The following UNC13C variants were observed in gnomAD, a reference collection of about 807,000 sequenced individuals.
The protein encoded by UNC13C is protein unc-13 homolog C.
A neutral mutation model predicts 245.4 loss-of-function variants in UNC13C; 174 were observed. The observed-to-expected ratio is 0.71, with a 90% CI of 0.63 to 0.80. UNC13C has a LOEUF of 0.80. UNC13C is among the 30% of genes least tolerant of loss of function. UNC13C has a pLI of 0.00. For synonymous variants in UNC13C, 992 were observed against 895.1 expected, an observed-to-expected ratio of 1.11 and a Z score of -1.93; for missense variants, 2,829 against 2,602.9, an observed-to-expected ratio of 1.09 and a Z score of -1.89.
the UNC13C span, among the ~76,000 whole-genome samples, chr15:53,949,515 G>T: frequency 6.6e-6 from 1 of 152,158 alleles, no homozygotes; most frequent in Non-Finnish European, 1.5e-5. Context: ...TGAGCACTTA[G>T]TCATTTTTGC....
chr15:54,237,555 G>T (rs1412588902), intron 6 of UNC13C, 64 bp from the exon 7 acceptor site: 1 of 1,228,342 alleles, frequency 8.1e-7, no homozygotes, highest in Admixed American at 1.9e-5. Context: ...TTCACCTTCT[G>T]CTGAGCAGTA....
chr15:53,925,918 G>C, the UNC13C span, among the ~76,000 whole-genome samples: 41 of 152,252 alleles, frequency 2.7e-4, no homozygotes, highest in African/African-American at 7.2e-4. Context: ...TGCAGACAAG[G>C]CTTCCTTATC....
intron 17 of UNC13C, among the ~76,000 whole-genome samples, chr15:54,390,731 A>G (rs924133836): frequency 6.6e-6 from 1 of 152,022 alleles, no homozygotes; most frequent in East Asian, 1.9e-4. Flanking sequence ...AATTTTTCCA[A>G]TCATAAGGTT....
In UNC13C at chr15:54,274,629, A is replaced by G. The variant is rs532876916; in HGVS notation, c.3818+9133A>G. ...TCTAAAGCAACCACTAAAAAGAGAA[A>G]ACAAAAAATGTTATGGTTAAAAAGC... On this transcript the variant is annotated intron_variant, in intron 10 of 32. Transcript: ENST00000260323. 7.6e-4 allele frequency among the ~76,000 whole-genome samples: 116 copies of G among 152,162 alleles called. 1 individual carries two copies. The highest frequency in any genetic ancestry group is 2.5e-3 in the African/African-American group (104 of 41,540).
intron 19 of UNC13C, among the ~76,000 whole-genome samples, chr15:54,440,566 A>G (rs1176386121): frequency 3.3e-5 from 5 of 152,008 alleles, no homozygotes; most frequent in African/African-American, 1.2e-4. Context: ...ATTGATAGGT[A>G]CTTGGGTTGG....
At chr15:54,444,094 A>T (rs551766843) in intron 19 of UNC13C, among the ~76,000 whole-genome samples, 2 of 152,010 alleles carry the variant, frequency 1.3e-5, no homozygotes, top group African/African-American at 2.4e-5. Flanking sequence ...TTACATATAT[A>T]TTTAGAACTG....
chr15:53,880,518 C>A, the UNC13C span, among the ~76,000 whole-genome samples: 3 of 152,116 alleles, frequency 2.0e-5, no homozygotes, highest in Non-Finnish European at 4.4e-5. Flanking sequence ...CATTTAGTGA[C>A]AGCACGAACA....
intron 2 of UNC13C, among the ~76,000 whole-genome samples, chr15:54,016,198 T>C (rs886834976): frequency 6.6e-5 from 10 of 152,204 alleles, no homozygotes; most frequent in African/African-American, 1.7e-4. Context: ...CTTTGTGGCA[T>C]CAGTTGTCAA....
chr15:54,493,576 A>T (rs1175318836), intron 19 of UNC13C, among the ~76,000 whole-genome samples: 2 of 152,092 alleles, frequency 1.3e-5, no homozygotes, highest in African/African-American at 4.8e-5. Flanking sequence ...TAACAACCTA[A>T]TTCTTCAAAT....
intron 2 of UNC13C, among the ~76,000 whole-genome samples, chr15:54,017,821 C>A (rs1411445928): frequency 6.6e-6 from 1 of 152,122 alleles, no homozygotes; most frequent in Non-Finnish European, 1.5e-5. Flanking sequence ...ATAAAACAAT[C>A]CTGTGCCATT....
At chr15:54,499,071 G>C (rs1894083697) in intron 20 of UNC13C, among the ~76,000 whole-genome samples, 1 of 152,024 alleles carries the variant, frequency 6.6e-6, no homozygotes. Context: ...AAATAAATAG[G>C]TTTAATTGGC....
chr15:54,332,312 T>TGTGG (rs2140995544), intron 15 of UNC13C, among the ~76,000 whole-genome samples: 2 of 149,786 alleles, frequency 1.3e-5, no homozygotes, highest in Non-Finnish European at 3.0e-5. Context: ...ACTCTGTGTG[T>TGTGG]GTGTGTGTGT....
chr15:53,943,998 G>A, the UNC13C span, among the ~76,000 whole-genome samples: 4 of 151,926 alleles, frequency 2.6e-5, no homozygotes, highest in Non-Finnish European at 5.9e-5. Flanking sequence ...CTTTTAGTGT[G>A]CATATATTGT....
intron 17 of UNC13C, among the ~76,000 whole-genome samples, chr15:54,341,387 T>C (rs571437766): frequency 2.6e-5 from 4 of 152,242 alleles, no homozygotes; most frequent in South Asian, 2.1e-4. Context: ...TTCTCACTTA[T>C]AAGTGAGAGC....
At chr15:53,901,379 C>G in the UNC13C span, among the ~76,000 whole-genome samples, 1 of 150,628 alleles carries the variant, frequency 6.6e-6, no homozygotes, top group African/African-American at 2.4e-5. Flanking sequence ...GACACCATGC[C>G]TAGCTATTTT....
In UNC13C at chr15:53,993,386, A is replaced by C. The variant is rs966458129; in HGVS notation, c.-257+14459A>C. Among the ~76,000 whole-genome samples, 7 of 152,116 alleles carry C rather than the reference A, an allele frequency of 4.6e-5. 1 individual carries two copies. The highest frequency in any genetic ancestry group is 8.8e-5 in the Non-Finnish European group (6 of 68,004). On this transcript the variant is annotated intron_variant, in intron 1 of 32. Coordinates refer to ENST00000260323, the MANE Select transcript of UNC13C (RefSeq NM_001080534.3). ...GAGAGAGAATGAGCACTTGACCGTGAACCTCTCTCAGGGAGTGAGTCAACT... is the reference window on the plus strand; with the variant it reads ...GAGAGAGAATGAGCACTTGACCGTGCACCTCTCTCAGGGAGTGAGTCAACT...
chr15:54,193,699 G>T (rs970518945), intron 4 of UNC13C, among the ~76,000 whole-genome samples: 1 of 152,124 alleles, frequency 6.6e-6, no homozygotes, highest in Non-Finnish European at 1.5e-5. Context: ...AAGAGATTGA[G>T]GTGATAAGAT....
In UNC13C at chr15:54,491,392, T is replaced by G. The variant is rs374848043; in HGVS notation, c.4934-3216T>G. Among the ~76,000 whole-genome samples, 7 of 152,282 alleles carry G rather than the reference T, an allele frequency of 4.6e-5. 1 individual carries two copies. Among genetic ancestry groups the G allele is most frequent in the East Asian group, 1.9e-4 (1 of 5,182 alleles). ...ACCTTCATATCAACATGATAAAAGTTGTACGTAATAGCAGTTATATTTTAA... is the reference window on the plus strand; with the variant it reads ...ACCTTCATATCAACATGATAAAAGTGGTACGTAATAGCAGTTATATTTTAA... On this transcript the variant is annotated intron_variant, in intron 19 of 32. Coordinates refer to ENST00000260323, the MANE Select transcript of UNC13C (RefSeq NM_001080534.3).
chr15:54,533,729 A>G (rs1895862175), intron 26 of UNC13C, among the ~76,000 whole-genome samples: 1 of 152,198 alleles, frequency 6.6e-6, no homozygotes, highest in East Asian at 1.9e-4. Flanking sequence ...TTTGTTTTTA[A>G]GGTTTTTGTT....
Sources: allele counts gnomAD v4.1 joint callset (sites outside exome capture counted in the v4.1 genomes callset), GRCh38; gene constraint gnomAD v4.1.1; transcripts MANE v1.5; gene names NCBI Gene and HGNC (gene_info 2026-07-23, HGNC 2026-07-21).